GLIS3: variants seen among roughly 807,000 people sequenced by gnomAD.
GLIS3 encodes GLIS family zinc finger 3, also known as zinc finger protein GLIS3.
A neutral mutation model predicts 78.6 loss-of-function variants in GLIS3; 53 were observed. The observed-to-expected ratio is 0.67, with a 90% confidence interval of 0.54 to 0.85. GLIS3 has a LOEUF of 0.85. GLIS3 is among the 40% of genes least tolerant of loss of function. The pLI is 0.00. For synonymous variants in GLIS3, 684 were observed against 509.9 expected (o/e 1.34, Z -4.60); for missense variants, 1,703 against 1,231.1 (o/e 1.38, Z -5.74).
At chr9:4,304,236 T>A (rs529758992), upstream of GLIS3, among the ~76,000 whole-genome samples, 4 of 152,234 alleles carry the variant, frequency 2.6e-5, no homozygotes, top group East Asian at 5.8e-4. Context: ...ACTGCAAGTA[T>A]ACAAAGTACA....
chr9:3,951,350 ACTT>A, intron 4 of GLIS3, among the ~76,000 whole-genome samples: 1 of 152,224 alleles, frequency 6.6e-6, no homozygotes, highest in Non-Finnish European at 1.5e-5. Context: ...CCACAGAGCC[ACTT>A]CTTTTTCTTC....
intron 4 of GLIS3, among the ~76,000 whole-genome samples, chr9:4,020,839 C>G (rs1822825996): frequency 6.6e-6 from 1 of 152,204 alleles, no homozygotes; most frequent in Non-Finnish European, 1.5e-5. Context: ...TGCTGCCACC[C>G]TGACGTAAGC....
chr9:3,959,525 G>A (rs561759437), intron 4 of GLIS3, among the ~76,000 whole-genome samples: 1 of 152,224 alleles, frequency 6.6e-6, no homozygotes, highest in Admixed American at 6.5e-5. Flanking sequence ...ATTCCTCTTT[G>A]CAGTTGCCCA....
chr9:4,349,530 C>T (rs916101539), upstream of GLIS3, among the ~76,000 whole-genome samples: 2 of 151,870 alleles, frequency 1.3e-5, no homozygotes, highest in Non-Finnish European at 2.9e-5. Flanking sequence ...GAAAAAAATC[C>T]CTGTATGCTA....
At position 3,962,947 on chromosome 9, in the gene GLIS3, G is replaced by GGC. The variant is rs1554659076; in HGVS notation, c.1711-25759_1711-25758insGC. ...TCCAACAAGATCTGCTGTGATTTAAGGGGGGGGGGGGGAGAGAGATTTATT... is the reference window on the plus strand; with the variant it reads ...TCCAACAAGATCTGCTGTGATTTAAGGCGGGGGGGGGGGGAGAGAGATTTATT... On this transcript the variant is annotated intron_variant, in intron 4 of 10. Transcript: ENST00000381971. 1.3e-3 allele frequency among the ~76,000 whole-genome samples: 74 copies of GGC among 56,732 alleles called. 1 individual carries two copies. Among genetic ancestry groups the GGC allele is most frequent in the African/African-American group, 6.3e-3 (73 of 11,608 alleles). 37.2% of individuals were successfully genotyped at this position (56,732 alleles called of 152,430 possible). A position where few individuals can be genotyped will look rare whatever the true frequency, so the allele number is the denominator to read the frequency against.
chr9:3,953,795 C>CTCTCTCTCTCTCTCTATATA (rs1403671770), intron 4 of GLIS3, among the ~76,000 whole-genome samples: 2 of 73,326 alleles, frequency 2.7e-5, no homozygotes, highest in African/African-American at 1.1e-4. Flanking sequence ...CTCTCTCTCT[C>CTCTCTCTCTCTCTCTATATA]TATATATATA....
intron 2 of GLIS3, among the ~76,000 whole-genome samples, chr9:4,187,480 C>A (rs531876242): frequency 2.0e-5 from 3 of 152,056 alleles, no homozygotes; most frequent in Non-Finnish European, 4.4e-5. Flanking sequence ...GCGATGTGGG[C>A]TCTTTTTTGG....
chr9:4,286,124 G>C lies in GLIS3; in HGVS notation c.302C>G (p.Thr101Ser). The change falls in exon 2 of 11, where the codon ACC (threonine) becomes AGC (serine). Residue 101 changes from threonine to serine, a missense_variant. Coordinates refer to ENST00000381971, the MANE Select transcript of GLIS3 (RefSeq NM_001042413.2). ...TGACCCTGACATGCCTCCAGCCTGGGTGACCTGGAATCGCGGCTTCCCATT... is the reference window on the plus strand; with the variant it reads ...TGACCCTGACATGCCTCCAGCCTGGCTGACCTGGAATCGCGGCTTCCCATT... ...LTNGKPRFQV[T>S]QAGGMSGSHT... 1 of 1,613,644 alleles carries C rather than the reference G, an allele frequency of 6.2e-7. No individual in the cohort carries two copies. The highest frequency in any genetic ancestry group is 8.5e-7 in the Non-Finnish European group (1 of 1,179,542).
chr9:4,489,745 C>T, the GLIS3 span, among the ~76,000 whole-genome samples: 1 of 152,214 alleles, frequency 6.6e-6, no homozygotes, highest in Non-Finnish European at 1.5e-5. Context: ...CCCCAAGCCT[C>T]CATGCTCCAG....
the GLIS3 span, among the ~76,000 whole-genome samples, chr9:4,469,603 A>C: frequency 6.6e-6 from 1 of 152,254 alleles, no homozygotes; most frequent in African/African-American, 2.4e-5. Context: ...ACAAAGACAC[A>C]ACATACCAGA....
intron 2 of GLIS3, among the ~76,000 whole-genome samples, chr9:4,269,484 T>A (rs1269001157): frequency 6.6e-6 from 1 of 152,186 alleles, no homozygotes; most frequent in Admixed American, 6.5e-5. Flanking sequence ...CAACGTTATA[T>A]CAGTTATATC....
chr9:4,262,364 G>A (rs1256437682), intron 2 of GLIS3, among the ~76,000 whole-genome samples: 2 of 152,092 alleles, frequency 1.3e-5, no homozygotes, highest in Non-Finnish European at 2.9e-5. Flanking sequence ...GTGCTGAGTG[G>A]CATGGATTTG....
chr9:3,989,596 G>C (rs1281101974), intron 4 of GLIS3, among the ~76,000 whole-genome samples: 3 of 152,134 alleles, frequency 2.0e-5, no homozygotes, highest in African/African-American at 7.2e-5. Context: ...TGAATCTCCA[G>C]TGAATTTAGC....
chr9:4,365,350 G>A, the GLIS3 span, among the ~76,000 whole-genome samples: 1 of 152,136 alleles, frequency 6.6e-6, no homozygotes, highest in African/African-American at 2.4e-5. Context: ...GAGGTCAGGA[G>A]TTTGAGACTA....
At chr9:4,018,103 C>T (rs900333087) in intron 4 of GLIS3, among the ~76,000 whole-genome samples, 1 of 152,148 alleles carries the variant, frequency 6.6e-6, no homozygotes, top group Non-Finnish European at 1.5e-5. Context: ...AGAGACAAAA[C>T]TCTTCCGATA....
intron 6 of GLIS3, among the ~76,000 whole-genome samples, chr9:3,924,598 C>A (rs2130744883): frequency 6.6e-6 from 1 of 152,216 alleles, no homozygotes; most frequent in South Asian, 2.1e-4. Context: ...GATCAGAGAG[C>A]CAAGATACAA....
intron 6 of GLIS3, among the ~76,000 whole-genome samples, chr9:3,923,198 C>A (rs1825004899): frequency 6.6e-6 from 1 of 152,186 alleles, no homozygotes; most frequent in Admixed American, 6.5e-5. Context: ...ATTCGTTTCC[C>A]ACATTACCAC....
At chr9:4,201,789 T>C (rs935592131) in intron 2 of GLIS3, among the ~76,000 whole-genome samples, 2 of 152,204 alleles carry the variant, frequency 1.3e-5, no homozygotes, top group Admixed American at 1.3e-4. Flanking sequence ...TTCAGTGCTA[T>C]TCCTATTAAG....
chr9:4,416,245 C>CTA, the GLIS3 span, among the ~76,000 whole-genome samples: 1 of 20,400 alleles, frequency 4.9e-5, no homozygotes, highest in African/African-American at 3.0e-4. Context: ...GAGTGAGACA[C>CTA]TGTTTTTAAA....
Sources: allele counts gnomAD v4.1 joint callset (sites outside exome capture counted in the v4.1 genomes callset), GRCh38; gene constraint gnomAD v4.1.1; transcripts MANE v1.5; gene names NCBI Gene and HGNC (gene_info 2026-07-23, HGNC 2026-07-21).